VTI1A: variants seen among roughly 807,000 people sequenced by gnomAD.
VTI1A encodes vesicle transport through interaction with t-SNAREs homolog 1A.
Under a neutral mutation model 34.9 loss-of-function variants are expected in VTI1A, and 22 were observed. That is an observed-to-expected ratio of 0.63 (90% confidence interval 0.45 to 0.90). The LOEUF (loss-of-function observed/expected upper bound fraction) is 0.90, where lower values mean the gene tolerates loss of function less well. VTI1A is among the 40% of genes least tolerant of loss of function. VTI1A has a pLI of 0.00. For missense variants in VTI1A, 268 were observed against 275.6 expected (o/e 0.97, Z 0.20); for synonymous variants, 87 against 97.3 (o/e 0.89, Z 0.62).
chr10:112,627,757 C>T (rs1325935732), intron 5 of VTI1A, among the ~76,000 whole-genome samples: 1 of 152,050 alleles, frequency 6.6e-6, no homozygotes, highest in African/African-American at 2.4e-5. Flanking sequence ...CAACAGTGAC[C>T]AAACTGATGA....
intron 7 of VTI1A, among the ~76,000 whole-genome samples, chr10:112,780,700 G>A (rs1170840640): frequency 2.0e-5 from 3 of 152,056 alleles, no homozygotes; most frequent in Admixed American, 1.3e-4. Context: ...AGTAAAATTA[G>A]TATGTGGCTT....
chr10:112,454,297 A>G (rs1405361613), intron 1 of VTI1A, among the ~76,000 whole-genome samples: 1 of 152,242 alleles, frequency 6.6e-6, no homozygotes, highest in African/African-American at 2.4e-5. Flanking sequence ...CAAGAATTAT[A>G]CTATGCAAAG....
intron 3 of VTI1A, among the ~76,000 whole-genome samples, chr10:112,519,320 C>G (rs1414908381): frequency 1.3e-5 from 2 of 152,042 alleles, no homozygotes; most frequent in East Asian, 1.9e-4. Flanking sequence ...TATGGTACAG[C>G]CTTTGAAGAT....
intron 7 of VTI1A, among the ~76,000 whole-genome samples, chr10:112,781,953 C>G (rs1852143436): frequency 6.6e-6 from 1 of 152,188 alleles, no homozygotes; most frequent in Admixed American, 6.5e-5. Flanking sequence ...ACAGGTATTA[C>G]CCCCAGGAAA....
chr10:112,800,189 A>G (rs191318312), intron 7 of VTI1A, among the ~76,000 whole-genome samples: 42 of 152,344 alleles, frequency 2.8e-4, no homozygotes, highest in African/African-American at 8.7e-4. Flanking sequence ...GTCTTCACCA[A>G]TATGTTCCAG....
intron 5 of VTI1A, among the ~76,000 whole-genome samples, chr10:112,583,448 GCATTCCATGC>G (rs1844030382): frequency 6.6e-6 from 1 of 152,208 alleles, no homozygotes; most frequent in African/African-American, 2.4e-5. Context: ...GTTTGTGGCT[GCATTCCATGC>G]AGTTCCGTCT....
intron 3 of VTI1A, among the ~76,000 whole-genome samples, chr10:112,484,422 C>T (rs999175428): frequency 1.1e-4 from 17 of 152,202 alleles, no homozygotes; most frequent in African/African-American, 4.1e-4. Flanking sequence ...CTGTTAGGCT[C>T]ATAATGATAT....
At chr10:112,646,444 A>G (rs1846786838) in intron 5 of VTI1A, among the ~76,000 whole-genome samples, 1 of 152,052 alleles carries the variant, frequency 6.6e-6, no homozygotes, top group Admixed American at 6.6e-5. Context: ...TAGGAGCAAG[A>G]AGCCCAGGGT....
chr10:112,753,691 G>C (rs868479613), intron 7 of VTI1A, among the ~76,000 whole-genome samples: 1 of 152,166 alleles, frequency 6.6e-6, no homozygotes, highest in Non-Finnish European at 1.5e-5. Flanking sequence ...CCAGACTTCT[G>C]TTCTGCCCAC....
At chr10:112,580,427 A>T (rs1843884608) in intron 5 of VTI1A, among the ~76,000 whole-genome samples, 1 of 152,114 alleles carries the variant, frequency 6.6e-6, no homozygotes, top group South Asian at 2.1e-4. Context: ...TGTCAAGGTG[A>T]CTCAGCAGGA....
At chr10:112,554,203 G>A (rs1851466139) in intron 5 of VTI1A, among the ~76,000 whole-genome samples, 1 of 152,092 alleles carries the variant, frequency 6.6e-6, no homozygotes, top group African/African-American at 2.4e-5. Flanking sequence ...TATCTAAGTG[G>A]TGACAATAGT....
At chr10:112,611,269 A>G (rs1426474351) in intron 5 of VTI1A, among the ~76,000 whole-genome samples, 1 of 152,176 alleles carries the variant, frequency 6.6e-6, no homozygotes, top group Non-Finnish European at 1.5e-5. Context: ...GAACAGAATA[A>G]AATGTATTAT....
chr10:112,815,493 C>A lies in VTI1A; in HGVS notation c.*110C>A. 1 of 896,162 alleles carries A rather than the reference C, an allele frequency of 1.1e-6. No homozygotes were observed. Among genetic ancestry groups the A allele is most frequent in the Admixed American group, 2.0e-5 (1 of 51,142 alleles). The allele number at this position is 896,162 out of a possible 1,614,324, so 55.5% of individuals were successfully genotyped here. On this transcript the variant is annotated 3_prime_UTR_variant, in exon 8 of 8. Coordinates refer to ENST00000393077, the MANE Select transcript of VTI1A (RefSeq NM_145206.4). ...GCTGACAGGCCCCAGGTGACCCTCT[C>A]TCTCCCTCACCGCCGTTGGGCTGAA...
At position 112,673,468 on chromosome 10, in the gene VTI1A, GCA is replaced by G. The variant is rs150053497; in HGVS notation, c.560+4484_560+4485del. 2.5e-3 allele frequency among the ~76,000 whole-genome samples: 374 copies of G among 151,664 alleles called. 1 individual carries two copies. The highest frequency in any genetic ancestry group is 8.2e-3 in the African/African-American group (340 of 41,440). Reference sequence around the variant, plus strand: ...TTCACACACATGCGCGCGTGCGCGCGCACACACACACACACGCACTCAGATTG... The same window carrying G: ...TTCACACACATGCGCGCGTGCGCGCGCACACACACACACGCACTCAGATTG... On this transcript the variant is annotated intron_variant, in intron 7 of 7. Coordinates refer to ENST00000393077, the MANE Select transcript of VTI1A (RefSeq NM_145206.4).
At chr10:112,712,429 A>G (rs573834809) in intron 7 of VTI1A, among the ~76,000 whole-genome samples, 11 of 151,378 alleles carry the variant, frequency 7.3e-5, no homozygotes, top group Middle Eastern at 6.8e-3. Context: ...CAGTAACTCT[A>G]TGTGGTCTAA....
chr10:112,835,194 C>T, the VTI1A span, among the ~76,000 whole-genome samples: 4 of 152,302 alleles, frequency 2.6e-5, no homozygotes, highest in East Asian at 3.9e-4. Context: ...TGGATGGCAG[C>T]CACACCCTGA....
chr10:112,480,765 A>G (rs1306497028), intron 3 of VTI1A, among the ~76,000 whole-genome samples: 1 of 152,176 alleles, frequency 6.6e-6, no homozygotes, highest in African/African-American at 2.4e-5. Context: ...ATATAGGGCT[A>G]GAGACTTGAT....
chr10:112,666,250 A>G (rs1380846862), intron 5 of VTI1A, among the ~76,000 whole-genome samples: 2 of 152,200 alleles, frequency 1.3e-5, no homozygotes, highest in Non-Finnish European at 2.9e-5. Flanking sequence ...AAAGAGCTGG[A>G]ATAAGTCTAA....
At chr10:112,762,477 A>G (rs867357027) in intron 7 of VTI1A, among the ~76,000 whole-genome samples, 1 of 152,204 alleles carries the variant, frequency 6.6e-6, no homozygotes, top group Non-Finnish European at 1.5e-5. Context: ...CTTTGGCCCT[A>G]TATTAGAAAC....
Sources: allele counts gnomAD v4.1 joint callset (sites outside exome capture counted in the v4.1 genomes callset), GRCh38; gene constraint gnomAD v4.1.1; transcripts MANE v1.5; gene names NCBI Gene and HGNC (gene_info 2026-07-23, HGNC 2026-07-21).